The following CSMD1 variants were observed in gnomAD, a reference collection of about 807,000 sequenced individuals.
CSMD1 encodes the protein CUB and Sushi multiple domains 1.
A neutral mutation model predicts 417.5 loss-of-function variants in CSMD1; 213 were observed. The observed-to-expected ratio is 0.51, with a 90% CI of 0.46 to 0.57. The LOEUF (loss-of-function observed/expected upper bound fraction) is 0.57, where lower values mean the gene tolerates loss of function less well. CSMD1 is among the 20% of genes least tolerant of loss of function. CSMD1 has a pLI of 0.00. For synonymous variants in CSMD1, 2,862 were observed against 1,736.8 expected, an observed-to-expected ratio of 1.65 and a Z score of -16.11; for missense variants, 6,923 against 4,529.7, an observed-to-expected ratio of 1.53 and a Z score of -15.17.
At chr8:3,901,123 G>T (rs1019533433) in intron 5 of CSMD1, among the ~76,000 whole-genome samples, 11 of 152,156 alleles carry the variant, frequency 7.2e-5, no homozygotes, top group African/African-American at 2.7e-4. Context: ...TTTTGGGGGA[G>T]GGTCATGAAT....
intron 10 of CSMD1, among the ~76,000 whole-genome samples, chr8:3,512,300 A>C (rs1466648618): frequency 6.6e-6 from 1 of 152,208 alleles, no homozygotes; most frequent in Non-Finnish European, 1.5e-5. Context: ...TGCAGTGCTG[A>C]GTTTAGCAAC....
chr8:4,777,580 T>C (rs28524028), intron 1 of CSMD1, among the ~76,000 whole-genome samples: 2,171 of 152,306 alleles, frequency 0.014, 44 homozygotes, highest in African/African-American at 0.05. Flanking sequence ...CAGCTAATCC[T>C]ACATGTGCAG....
intron 2 of CSMD1, among the ~76,000 whole-genome samples, chr8:4,512,228 C>A (rs557961112): frequency 6.6e-6 from 1 of 152,216 alleles, no homozygotes; most frequent in African/African-American, 2.4e-5. Flanking sequence ...TTAACAAAAT[C>A]CAATACATAT....
chr8:4,514,866 A>G (rs1351503876), intron 2 of CSMD1, among the ~76,000 whole-genome samples: 1 of 152,180 alleles, frequency 6.6e-6, no homozygotes, highest in Admixed American at 6.5e-5. Flanking sequence ...CTCCTCCCCA[A>G]AATAAACAAC....
At chr8:4,237,346 C>T (rs1159433816) in intron 3 of CSMD1, among the ~76,000 whole-genome samples, 3 of 151,976 alleles carry the variant, frequency 2.0e-5, no homozygotes, top group Non-Finnish European at 4.4e-5. Flanking sequence ...AATCCTTCAA[C>T]AGAAAACATT....
intron 1 of CSMD1, among the ~76,000 whole-genome samples, chr8:4,835,947 T>C (rs886517448): frequency 2.6e-5 from 4 of 152,130 alleles, no homozygotes; most frequent in Non-Finnish European, 4.4e-5. Flanking sequence ...GAAATTTAAT[T>C]TATATTTTGA....
intron 5 of CSMD1, among the ~76,000 whole-genome samples, chr8:3,910,525 G>T (rs1371589561): frequency 2.0e-5 from 3 of 152,148 alleles, no homozygotes; most frequent in African/African-American, 7.2e-5. Context: ...TTACAAAGAA[G>T]TCAGATTCAA....
chr8:4,303,791 G>T (rs774443147), intron 3 of CSMD1, among the ~76,000 whole-genome samples: 64 of 151,932 alleles, frequency 4.2e-4, no homozygotes, highest in Non-Finnish European at 8.1e-4. Flanking sequence ...GAGTAGCTGG[G>T]ACTACAGGCA....
rs979432076 is a variant in CSMD1, at chr8:3,772,183, T to TATAC, written c.819-18142_819-18141insGTAT. Among the ~76,000 whole-genome samples, 7 of 67,442 alleles carry TATAC rather than the reference T, an allele frequency of 1.0e-4. 2 individuals carry two copies. The highest frequency in any genetic ancestry group is 2.8e-4 in the African/African-American group (6 of 21,578). 44.2% of individuals were successfully genotyped at this position (67,442 alleles called of 152,430 possible). ...AAAGGGCAACATATATATATATATATATATATACACACACACACACACACA... is the reference window on the plus strand; with the variant it reads ...AAAGGGCAACATATATATATATATATATACATATATACACACACACACACACACA... On this transcript the variant is annotated intron_variant, in intron 5 of 69. Transcript: ENST00000635120.
At chr8:3,141,623 C>G (rs896648722) in intron 41 of CSMD1, among the ~76,000 whole-genome samples, 62 of 151,976 alleles carry the variant, frequency 4.1e-4, no homozygotes, top group African/African-American at 1.5e-3. Flanking sequence ...TGTTGCAGAC[C>G]CTGCACCTGG....
intron 1 of CSMD1, among the ~76,000 whole-genome samples, chr8:4,984,469 GACCATTT>G (rs1362188189): frequency 6.6e-6 from 1 of 152,158 alleles, no homozygotes; most frequent in Non-Finnish European, 1.5e-5. Flanking sequence ...GTGTTTATAG[GACCATTT>G]ACCTGCTTGA....
chr8:4,561,723 A>G (rs1409863050), intron 2 of CSMD1, among the ~76,000 whole-genome samples: 4 of 152,194 alleles, frequency 2.6e-5, no homozygotes, highest in African/African-American at 9.7e-5. Flanking sequence ...AAAGTAAAAG[A>G]AAAAGAGAAC....
At chr8:3,022,114 T>C (rs1809475225) in intron 51 of CSMD1, among the ~76,000 whole-genome samples, 1 of 145,014 alleles carries the variant, frequency 6.9e-6, no homozygotes, top group Non-Finnish European at 1.5e-5. Flanking sequence ...GCATCCGGAA[T>C]ACACCCGCAA....
At chr8:4,980,692 C>G (rs1584948377) in intron 1 of CSMD1, among the ~76,000 whole-genome samples, 1 of 152,240 alleles carries the variant, frequency 6.6e-6, no homozygotes, top group South Asian at 2.1e-4. Flanking sequence ...CACTTGAGAT[C>G]AGGAGTCCAA....
At chr8:4,976,139 G>T (rs184524991) in intron 1 of CSMD1, among the ~76,000 whole-genome samples, 1 of 152,242 alleles carries the variant, frequency 6.6e-6, no homozygotes, top group African/African-American at 2.4e-5. Flanking sequence ...GGGAAGAACA[G>T]ACACTGGAGA....
At chr8:3,156,672 AAAAG>A (rs1186161950) in intron 39 of CSMD1, among the ~76,000 whole-genome samples, 5 of 152,216 alleles carry the variant, frequency 3.3e-5, no homozygotes, top group Admixed American at 1.3e-4. Context: ...GGAAAAAATA[AAAAG>A]AAAGGCAGAA....
chr8:3,841,971 G>GT (rs1047670691), intron 5 of CSMD1, among the ~76,000 whole-genome samples: 1 of 152,124 alleles, frequency 6.6e-6, no homozygotes, highest in African/African-American at 2.4e-5. Context: ...TCCAAAAGCA[G>GT]TTTTTTTCCA....
chr8:4,369,868 G>A (rs114166043), intron 3 of CSMD1, among the ~76,000 whole-genome samples: 1,906 of 152,108 alleles, frequency 0.013, 40 homozygotes, highest in African/African-American at 0.043. Context: ...CAGAGAGTTG[G>A]GTCTTGCTTC....
intron 12 of CSMD1, among the ~76,000 whole-genome samples, chr8:3,433,127 G>C (rs1321134797): frequency 6.6e-6 from 1 of 152,202 alleles, no homozygotes. Flanking sequence ...AGGTTAGAAA[G>C]TTGCATTTTG....
Sources: gnomAD v4.1 joint callset for allele counts (sites outside exome capture counted in the v4.1 genomes callset) on GRCh38, gnomAD v4.1.1 for gene constraint, MANE v1.5 for transcripts, NCBI Gene and HGNC (gene_info 2026-07-23, HGNC 2026-07-21) for gene names.